The following MS4A1 variants were observed in gnomAD, a reference collection of about 807,000 sequenced individuals.
MS4A1 encodes membrane spanning 4-domains A1, also known as B-lymphocyte antigen CD20.
MS4A1 carries 16 observed loss-of-function variants against 26.5 expected under a neutral mutation model. The observed-to-expected ratio is 0.60, with a 90% CI of 0.41 to 0.92. The LOEUF (loss-of-function observed/expected upper bound fraction) is 0.92, where lower values mean the gene tolerates loss of function less well. MS4A1 is among the 40% of genes least tolerant of loss of function. The pLI is 0.00. For missense variants in MS4A1, 350 were observed against 353.0 expected (o/e 0.99, Z 0.07); for synonymous variants, 128 against 117.6 (o/e 1.09, Z -0.57).
intron 3 of MS4A1, 55 bp from the exon 4 acceptor site, chr11:60,462,947 C>T: frequency 6.2e-7 from 1 of 1,608,664 alleles, no homozygotes; most frequent in Non-Finnish European, 8.5e-7. Flanking sequence ...CTTGTCTTTG[C>T]CTGCTAGCAG....
chr11:60,468,091 A>C (rs2086309670), intron 7 of MS4A1, among the ~76,000 whole-genome samples, 159 bp from the exon 8 acceptor site: 1 of 152,230 alleles, frequency 6.6e-6, no homozygotes. Flanking sequence ...CTTGATAAGG[A>C]TATAAGCACC....
chr11:60,463,023 C>A lies in MS4A1; in HGVS notation c.181C>A (p.Leu61Ile). ...CCAGGCTGTCCAGATTATGAATGGG[C>A]TCTTCCACATTGCCCTGGGGGGTCT... is the stretch of plus-strand genomic sequence containing the variant. Reference protein sequence around the residue: ...TLGAVQIMNGLFHIALGGLLM... With the variant: ...TLGAVQIMNGIFHIALGGLLM... The change falls in exon 4 of 8, where the codon CTC (leucine) becomes ATC (isoleucine). Residue 61 changes from leucine (L) to isoleucine (I), a missense_variant. Coordinates refer to ENST00000345732, the MANE Select transcript of MS4A1 (RefSeq NM_152866.3). 1 of 1,614,072 alleles carries A rather than the reference C, an allele frequency of 6.2e-7. No homozygotes were observed. Among genetic ancestry groups the A allele is most frequent in the Non-Finnish European group, 8.5e-7 (1 of 1,180,018 alleles).
intron 7 of MS4A1, among the ~76,000 whole-genome samples, chr11:60,467,277 CTTTTTTTTTTT>C (rs201750543): frequency 0.066 from 8,866 of 134,534 alleles, 362 homozygotes; most frequent in South Asian, 0.19. Context: ...TTCTGTGCGT[CTTTTTTTTTTT>C]TTTTTTTGAG....
chr11:60,459,674 C>T (rs2086232287), intron 1 of MS4A1, among the ~76,000 whole-genome samples: 1 of 152,160 alleles, frequency 6.6e-6, no homozygotes, highest in Non-Finnish European at 1.5e-5. Context: ...TGTAGAGTGG[C>T]TTGTTGTACA....
chr11:60,462,923 C>G, intron 3 of MS4A1, 79 bp from the exon 4 acceptor site: 1 of 1,598,248 alleles, frequency 6.3e-7, no homozygotes, highest in Non-Finnish European at 8.5e-7. Flanking sequence ...AAGTCAGGAG[C>G]CAGAGCTTCC....
chr11:60,467,081 CCA>C, intron 7 of MS4A1, 21 bp downstream of exon 7: 1 of 1,569,180 alleles, frequency 6.4e-7, no homozygotes, highest in Admixed American at 1.7e-5. Context: ...GCCCCTCTGG[CCA>C]AAACCTCCCT....
intron 1 of MS4A1, among the ~76,000 whole-genome samples, chr11:60,457,072 T>C (rs769038376): frequency 2.0e-5 from 3 of 152,198 alleles, no homozygotes; most frequent in Non-Finnish European, 4.4e-5. Context: ...AAGTAGTTGA[T>C]GTCTAGTAAG....
intron 4 of MS4A1, chr11:60,463,891 T>G: frequency 7.2e-6 from 3 of 415,256 alleles, no homozygotes; most frequent in Non-Finnish European, 1.5e-5. Flanking sequence ...TCAGAGGGCA[T>G]CAGAGTCATT....
At chr11:60,459,666 T>C (rs1192824074) in intron 1 of MS4A1, among the ~76,000 whole-genome samples, 1 of 152,210 alleles carries the variant, frequency 6.6e-6, no homozygotes, top group Admixed American at 6.5e-5. Context: ...AGAGGTCTTG[T>C]AGAGTGGCTT....
chr11:60,465,772 C>T (rs1218010462), intron 5 of MS4A1, 149 bp from the exon 6 acceptor site: 1 of 661,736 alleles, frequency 1.5e-6, no homozygotes, highest in Non-Finnish European at 2.7e-6. Context: ...TTTATAGTGA[C>T]AAAGAGGCTA....
intron 1 of MS4A1, among the ~76,000 whole-genome samples, chr11:60,460,177 T>C (rs150810464): frequency 0.022 from 3,347 of 152,128 alleles, 126 homozygotes; most frequent in Admixed American, 0.1. Context: ...GCCCAGGAGG[T>C]AGAGGCTGCA....
chr11:60,457,867 T>A (rs1590841968), intron 1 of MS4A1, among the ~76,000 whole-genome samples: 3 of 152,036 alleles, frequency 2.0e-5, no homozygotes. Flanking sequence ...GAAGAAAAAG[T>A]GAGCCTGGGC....
rs371094986 is a variant in MS4A1 at position 60,465,251 on chromosome 11, C to G, written c.337-670C>G. 6.8e-4 allele frequency among the ~76,000 whole-genome samples: 103 copies of G among 152,316 alleles called. No homozygotes were observed. The South Asian group carries it at 0.021, about 32-fold the overall frequency. ...TGTTATTTATATTTTCCTGTTTCAACCTTTTATCATCCCTGCAAGGTAGAA... is the reference window on the plus strand; with the variant it reads ...TGTTATTTATATTTTCCTGTTTCAAGCTTTTATCATCCCTGCAAGGTAGAA... On this transcript the variant is annotated intron_variant, in intron 5 of 7. Coordinates refer to ENST00000345732, the MANE Select transcript of MS4A1 (RefSeq NM_152866.3).
Position 60,456,966 on chromosome 11 carries a change from G to C in MS4A1, c.-280+1021G>C, listed in dbSNP as rs149746441. Among the ~76,000 whole-genome samples the C allele has an allele frequency of 4.6e-4, 70 of 152,284 alleles. 1 individual carries two copies. Among genetic ancestry groups the C allele is most frequent in the African/African-American group, 1.5e-3 (64 of 41,540 alleles). ...CTTGTTAAGCTTCCCTGAGGAAGTA[G>C]CTGAGTTTGATGTTCAGCTTAATGT... On this transcript the variant is annotated intron_variant, in intron 1 of 7. Coordinates refer to ENST00000345732, the MANE Select transcript of MS4A1 (RefSeq NM_152866.3).
Position 60,464,330 on chromosome 11 carries a change from T to C in MS4A1, c.322T>C (p.Ser108Pro). Reference protein sequence around the residue: ...GSLLAATEKNSRKCLVKGKMI... With the variant: ...GSLLAATEKNPRKCLVKGKMI... ...ACTCCTGGCAGCAACGGAGAAAAACTCCAGGAAGTGTTTGGCAAGTAACCA... is the reference window on the plus strand; with the variant it reads ...ACTCCTGGCAGCAACGGAGAAAAACCCCAGGAAGTGTTTGGCAAGTAACCA... Residue 108 changes from serine to proline, a missense_variant, in exon 5 of 8, where the codon TCC (serine) becomes CCC (proline). By Grantham distance (74) the Ser-to-Pro change is moderately conservative. Transcript: ENST00000345732. 3 of 1,609,724 alleles carry C rather than the reference T, an allele frequency of 1.9e-6. No homozygotes were observed. Among genetic ancestry groups the C allele is most frequent in the African/African-American group, 1.3e-5 (1 of 74,240 alleles).
At chr11:60,463,830 G>A in intron 4 of MS4A1, 1 of 455,360 alleles carries the variant, frequency 2.2e-6, no homozygotes, top group South Asian at 1.6e-5. Flanking sequence ...TGTTTTCATG[G>A]AGTGCCTGTG....
chr11:60,468,313 G>T lies in MS4A1; in HGVS notation c.739G>T (p.Val247Phe), dbSNP rs747237808. 3 of 1,613,978 alleles carry T rather than the reference G, an allele frequency of 1.9e-6. No individual in the cohort carries two copies. The highest frequency in any genetic ancestry group is 1.1e-5 in the South Asian group (1 of 91,048). Reference protein sequence around the residue: ...EQTIEIKEEVVGLTETSSQPK... With the variant: ...EQTIEIKEEVFGLTETSSQPK... ...GACTATTGAAATAAAAGAAGAAGTGGTTGGGCTAACTGAAACATCTTCCCA... is the reference window on the plus strand; with the variant it reads ...GACTATTGAAATAAAAGAAGAAGTGTTTGGGCTAACTGAAACATCTTCCCA... The change falls in exon 8 of 8, where the codon GTT becomes TTT. Residue 247 changes from valine to phenylalanine, a missense_variant. Transcript: ENST00000345732.
At chr11:60,462,669 CA>C in intron 3 of MS4A1, 136 bp downstream of exon 3, 1 of 1,177,004 alleles carries the variant, frequency 8.5e-7, no homozygotes. Flanking sequence ...ATGTCTAACA[CA>C]GTGGGCCAAA....
At chr11:60,466,909 T>A (rs774652020) in intron 6 of MS4A1, 50 bp from the exon 7 acceptor site, 1 of 1,535,126 alleles carries the variant, frequency 6.5e-7, no homozygotes, top group Non-Finnish European at 9.0e-7. Context: ...CCAACAATGT[T>A]CTTTGTGCCA....
Sources: gnomAD v4.1 joint callset for allele counts (sites outside exome capture counted in the v4.1 genomes callset) on GRCh38, gnomAD v4.1.1 for gene constraint, MANE v1.5 for transcripts, NCBI Gene and HGNC (gene_info 2026-07-23, HGNC 2026-07-21) for gene names.